The following DGKK variants were observed in gnomAD, a reference collection of about 807,000 sequenced individuals.
The protein encoded by DGKK is 142 kDa diacylglycerol kinase.
A neutral mutation model predicts 92.2 loss-of-function variants in DGKK; 35 were observed. That is an observed-to-expected ratio of 0.38 (90% confidence interval 0.29 to 0.50). The LOEUF (loss-of-function observed/expected upper bound fraction) is 0.50, where lower values mean the gene tolerates loss of function less well. Among genes scored for constraint, DGKK ranks in the 20% least tolerant of loss-of-function variants. The probability of loss-of-function intolerance (pLI) is 0.92; values close to 1 mark genes in which losing one functional copy is unlikely to be tolerated. For missense variants in DGKK, 910 were observed against 992.2 expected (o/e 0.92, Z 1.11); for synonymous variants, 368 against 360.6 (o/e 1.02, Z -0.23).
chrX:50,416,566 G>A (rs975661124), intron 4 of DGKK, among the ~76,000 whole-genome samples: 1 of 111,997 alleles, frequency 8.9e-6, no homozygotes, highest in African/African-American at 3.2e-5. Flanking sequence ...TAGATAAAAC[G>A]AAGTCAGTGG....
intron 1 of DGKK, among the ~76,000 whole-genome samples, chrX:50,438,409 G>A (rs1926088340): frequency 9.0e-6 from 1 of 111,623 alleles, no homozygotes; most frequent in Admixed American, 9.5e-5. Context: ...AGCTCAGAAT[G>A]TTCAACAGAC....
intron 14 of DGKK, among the ~76,000 whole-genome samples, chrX:50,386,957 C>CGT (rs1291205747): frequency 9.1e-6 from 1 of 109,802 alleles, no homozygotes; most frequent in Non-Finnish European, 1.9e-5. Context: ...TGGATATGAA[C>CGT]GTGTCCCTGC....
In DGKK at chrX:50,447,341, TATTA is replaced by T. The variant is rs1202675340; in HGVS notation, c.645+22689_645+22692del. 3.6e-4 allele frequency among the ~76,000 whole-genome samples: 6 copies of T among 16,770 alleles called. No individual in the cohort carries two copies. The East Asian group carries it at 6.0e-3, about 17-fold the overall frequency. 14.6% of individuals were successfully genotyped at this position (16,770 alleles called of 115,157 possible). A position where few individuals can be genotyped will look rare whatever the true frequency, so the allele number is the denominator to read the frequency against. ...GTGTGTGTATGTATATATATATATATATTATATATATATATAATATATATATATT... is the reference window on the plus strand; with the variant it reads ...GTGTGTGTATGTATATATATATATATTATATATATATAATATATATATATT... On this transcript the variant is annotated intron_variant, in intron 1 of 27. Transcript: ENST00000611977.
intron 1 of DGKK, among the ~76,000 whole-genome samples, chrX:50,434,507 C>A (rs138767478): frequency 1.3e-3 from 142 of 111,025 alleles, no homozygotes; most frequent in African/African-American, 4.4e-3. Flanking sequence ...CATGATCTGA[C>A]TTGGGTGTGA....
At chrX:50,382,160 C>T (rs782090617) in intron 18 of DGKK, among the ~76,000 whole-genome samples, 163 of 112,566 alleles carry the variant, frequency 1.4e-3, no homozygotes, top group Non-Finnish European at 2.8e-3. Flanking sequence ...GAAGCCACTA[C>T]TGAAACCTGG....
chrX:50,442,836 A>G (rs1280027742), intron 1 of DGKK, among the ~76,000 whole-genome samples: 3 of 110,483 alleles, frequency 2.7e-5, no homozygotes, highest in Non-Finnish European at 5.7e-5. Context: ...GTATGCTCCC[A>G]ATCTCCCTTA....
In DGKK at chrX:50,470,615, C is replaced by G. The variant is rs1295938618; in HGVS notation, c.64G>C (p.Glu22Gln). ...CAAGGCGGCGGAGGCTCTGGAGACT[C>G]AGCGGGCTGCTCTCCATCCTGAGGC... ...APPQDGEQPAESPEPPPPWPP... is the reference protein window; with the variant it reads ...APPQDGEQPAQSPEPPPPWPP... The change falls in exon 1 of 28, where the codon GAG becomes CAG. Residue 22 changes from glutamate (E) to glutamine (Q), a missense_variant. By Grantham distance (29) the Glu-to-Gln change is conservative (BLOSUM62 2). Transcript: ENST00000611977. 2 of 1,172,787 alleles carry G rather than the reference C, an allele frequency of 1.7e-6. No homozygotes were observed. The highest frequency in any genetic ancestry group is 1.8e-5 in the African/African-American group (1 of 57,030).
Position 50,403,153 on chromosome X carries a change from T to C in DGKK, c.1216A>G (p.Met406Val). Residue 406 changes from methionine (M) to valine (V), a missense_variant, in exon 7 of 28, where the codon ATG (methionine) becomes GTG (valine). By Grantham distance (21) the Met-to-Val change is conservative. Coordinates refer to ENST00000611977, the MANE Select transcript of DGKK (RefSeq NM_001013742.4). The stretch of plus-strand genomic sequence containing the variant: ...ACTGCACACTGAGAGCTGACAGGCA[T>C]GTTTCCTTCTACCCATTGATGGGGC... Reference protein sequence around the residue: ...NMPHQWVEGNMPVSSQCAVCH... With the variant: ...NMPHQWVEGNVPVSSQCAVCH... 6 of 1,202,008 alleles carry C rather than the reference T, an allele frequency of 5.0e-6. No homozygotes were observed. The highest frequency in any genetic ancestry group is 6.7e-6 in the Non-Finnish European group (6 of 889,962).
chrX:50,470,352 C>A lies in DGKK; in HGVS notation c.327G>T (p.Pro109=), dbSNP rs782807342. 2 of 1,205,993 alleles carry A rather than the reference C, an allele frequency of 1.7e-6. No individual in the cohort carries two copies. The highest frequency in any genetic ancestry group is 2.2e-6 in the Non-Finnish European group (2 of 893,721). Residue 109 remains proline, a synonymous_variant, in exon 1 of 28, where the codon CCG becomes CCT. Transcript: ENST00000611977. ...CAGGTTCTGGGGCCGGTTCTGGGGCCGGCTCTGTGGCAGGTTCTGGGGCCG... is the reference window on the plus strand; with the variant it reads ...CAGGTTCTGGGGCCGGTTCTGGGGCAGGCTCTGTGGCAGGTTCTGGGGCCG... ...TEPAPEPATE[P]APEPAPEPAT... is the part of the protein sequence containing the mutation.
At chrX:50,454,710 C>T (rs1557232736) in intron 1 of DGKK, among the ~76,000 whole-genome samples, 1 of 111,263 alleles carries the variant, frequency 9.0e-6, no homozygotes, top group Non-Finnish European at 1.9e-5. Context: ...CAGTTGATCT[C>T]AAGTCCATCA....
intron 25 of DGKK, among the ~76,000 whole-genome samples, chrX:50,373,713 A>G (rs1486536298): frequency 9.0e-6 from 1 of 111,603 alleles, no homozygotes; most frequent in African/African-American, 3.3e-5. Context: ...TGCAATATCA[A>G]CTCTGAAGCC....
chrX:50,435,936 G>A (rs781856169), intron 1 of DGKK, among the ~76,000 whole-genome samples: 4 of 111,623 alleles, frequency 3.6e-5, no homozygotes, highest in African/African-American at 1.3e-4. Context: ...TAAAGCTGTG[G>A]GTAGCCTTGC....
At chrX:50,445,397 G>A (rs2147145544) in intron 1 of DGKK, among the ~76,000 whole-genome samples, 1 of 110,314 alleles carries the variant, frequency 9.1e-6, no homozygotes, top group Non-Finnish European at 1.9e-5. Flanking sequence ...TGTCTTCCAG[G>A]GATTTTATAG....
In DGKK at chrX:50,393,143, C is replaced by T. The variant is rs782629552; in HGVS notation, c.1595+9G>A. 6 of 1,195,894 alleles carry T rather than the reference C, an allele frequency of 5.0e-6. No individual in the cohort carries two copies. Among genetic ancestry groups the T allele is most frequent in the African/African-American group, 3.5e-5 (2 of 57,078 alleles). On this transcript the variant is annotated intron_variant, in intron 9 of 27. Coordinates refer to ENST00000611977, the MANE Select transcript of DGKK (RefSeq NM_001013742.4). ...CATACCCAATCATATCCATGGGATA[C>T]AGGCTTACCCTGCTTCAGGTCCACC...
Position 50,404,030 on chromosome X carries a change from A to G in DGKK, c.1078+19T>C. The G allele has an allele frequency of 8.3e-7, 1 of 1,206,992 alleles. No individual in the cohort carries two copies. Among genetic ancestry groups the G allele is most frequent in the Non-Finnish European group, 1.1e-6 (1 of 893,525 alleles). On this transcript the variant is annotated intron_variant, in intron 5 of 27. Transcript: ENST00000611977. The stretch of plus-strand genomic sequence containing the variant: ...ATCTACCCACTGAGCTTCACTTCCT[A>G]AAGGAATCAGAAAGGTACCTTCACA...
Position 50,425,542 on chromosome X carries a change from T to TAC in DGKK, c.646-1186_646-1185dup, listed in dbSNP as rs782565110. On this transcript the variant is annotated intron_variant, in intron 1 of 27. Coordinates refer to ENST00000611977, the MANE Select transcript of DGKK (RefSeq NM_001013742.4). ...TCTCCCAAATACACACACACACACA[T>TAC]ACACACACACACACACACGTACTCA... 2.1e-3 allele frequency among the ~76,000 whole-genome samples: 218 copies of TAC among 104,289 alleles called. 2 individuals carry two copies. The highest frequency in any genetic ancestry group is 0.013 in the South Asian group (31 of 2,451). 90.6% of individuals were successfully genotyped at this position (104,289 alleles called of 115,157 possible).
chrX:50,371,668 G>A (rs1924132240), intron 26 of DGKK, 56 bp downstream of exon 26: 2 of 886,399 alleles, frequency 2.3e-6, no homozygotes, highest in East Asian at 3.3e-5. Context: ...TGGAAGGGAA[G>A]GCACTAAGGA....
At chrX:50,407,449 T>C (rs1367401104) in intron 4 of DGKK, among the ~76,000 whole-genome samples, 1 of 110,987 alleles carries the variant, frequency 9.0e-6, no homozygotes, top group Non-Finnish European at 1.9e-5. Flanking sequence ...TGTGTACTCT[T>C]GTGGTTTTTC....
In DGKK at chrX:50,394,223, C is replaced by T. The variant is rs150973972; in HGVS notation, c.1412-888G>A. ...AATACACAGGGCAAAAAGCATGTGGCTCACTCCTCAGTGGGGGTGGGAGGA... is the reference window on the plus strand; with the variant it reads ...AATACACAGGGCAAAAAGCATGTGGTTCACTCCTCAGTGGGGGTGGGAGGA... On this transcript the variant is annotated intron_variant, in intron 8 of 27. Coordinates refer to ENST00000611977, the MANE Select transcript of DGKK (RefSeq NM_001013742.4). 3.3e-4 allele frequency among the ~76,000 whole-genome samples: 37 copies of T among 111,887 alleles called. No homozygotes were observed. In the East Asian group the frequency reaches 0.01, roughly 32 times the overall value.
Sources: gnomAD v4.1 joint callset for allele counts (sites outside exome capture counted in the v4.1 genomes callset) on GRCh38, gnomAD v4.1.1 for gene constraint, MANE v1.5 for transcripts, NCBI Gene and HGNC (gene_info 2026-07-23, HGNC 2026-07-21) for gene names.